Variants in EIF3H observed in about 807,000 individuals in gnomAD.
The protein encoded by EIF3H is eukaryotic translation initiation factor 3 subunit H.
A neutral mutation model predicts 44.2 loss-of-function variants in EIF3H; 26 were observed. The observed-to-expected ratio is 0.59, with a 90% CI of 0.43 to 0.82. The LOEUF (loss-of-function observed/expected upper bound fraction) is 0.82. Ranked by LOEUF, EIF3H falls within the 40% of genes least tolerant of loss-of-function variation. EIF3H has a pLI of 0.00. For missense variants in EIF3H, 359 were observed against 432.8 expected (o/e 0.83, Z 1.51); for synonymous variants, 166 against 151.9 (o/e 1.09, Z -0.68).
chr8:116,655,980 C>CAAAGGTGATATTTGCTTTTTTCA lies in EIF3H; in HGVS notation c.560_582dup (p.Glu195Ter). On this transcript the variant is annotated stop_gained and frameshift_variant, in exon 5 of 8. Transcript: ENST00000521861. LOFTEE classifies it high-confidence loss of function. ...ATCGGCACTTCTTCAAACATGTACTCAAAGGTGATATTTGCTTTTTTCAAT... is the reference window on the plus strand; with the variant it reads ...ATCGGCACTTCTTCAAACATGTACTCAAAGGTGATATTTGCTTTTTTCAAAAGGTGATATTTGCTTTTTTCAAT... 1 of 1,613,382 alleles carries CAAAGGTGATATTTGCTTTTTTCA rather than the reference C, an allele frequency of 6.2e-7. No individual in the cohort carries two copies. The highest frequency in any genetic ancestry group is 8.5e-7 in the Non-Finnish European group (1 of 1,179,648).
intron 3 of EIF3H, 76 bp downstream of exon 3, chr8:116,658,737 A>T: frequency 1.3e-6 from 2 of 1,486,524 alleles, no homozygotes; most frequent in Non-Finnish European, 1.8e-6. Flanking sequence ...GACTGCTCTT[A>T]GAGGCAAAAA....
At chr8:116,703,312 T>A (rs530086188) in intron 2 of EIF3H, among the ~76,000 whole-genome samples, 2 of 152,148 alleles carry the variant, frequency 1.3e-5, no homozygotes, top group East Asian at 3.9e-4. Context: ...CTAGTGGTAA[T>A]GCCAATGCCT....
Position 116,644,145 on chromosome 8 carries a change from T to G in EIF3H, c.*861A>C, listed in dbSNP as rs1296957695. 2 of 152,238 alleles carry G rather than the reference T, an allele frequency of 1.3e-5. No individual in the cohort carries two copies. The highest frequency in any genetic ancestry group is 2.4e-5 in the African/African-American group (1 of 41,446). 9.4% of individuals were successfully genotyped at this position (152,238 alleles called of 1,614,324 possible). On this transcript the variant is annotated 3_prime_UTR_variant, in exon 8 of 8. Coordinates refer to ENST00000521861, the MANE Select transcript of EIF3H (RefSeq NM_003756.3). ...TGGCTCATGCCTGTATTCCCAGCAC[T>G]TTGGGAGACAGAAGCAGGTGAATCA...
intron 1 of EIF3H, among the ~76,000 whole-genome samples, chr8:116,762,848 G>A (rs1165538029): frequency 6.6e-6 from 1 of 152,208 alleles, no homozygotes; most frequent in African/African-American, 2.4e-5. Flanking sequence ...GAAGGCTGAG[G>A]CAGGAGAATC....
chr8:116,665,856 T>G (rs1563636588), intron 2 of EIF3H, among the ~76,000 whole-genome samples: 1 of 152,244 alleles, frequency 6.6e-6, no homozygotes, highest in Non-Finnish European at 1.5e-5. Context: ...TACTAGCAGA[T>G]GTAGACTTAG....
At chr8:116,719,278 A>AT (rs1814706658) in intron 2 of EIF3H, among the ~76,000 whole-genome samples, 3 of 152,116 alleles carry the variant, frequency 2.0e-5, no homozygotes, top group South Asian at 4.1e-4. Flanking sequence ...CTAACTTTGC[A>AT]TTTTTTCAGA....
At chr8:116,679,146 C>T (rs1412604646) in intron 2 of EIF3H, among the ~76,000 whole-genome samples, 1 of 73,640 alleles carries the variant, frequency 1.4e-5, no homozygotes, top group African/African-American at 4.4e-5. Context: ...CCCGGCCAGC[C>T]GCCCCGTCCG....
intron 2 of EIF3H, among the ~76,000 whole-genome samples, chr8:116,666,844 T>A (rs369546878): frequency 6.6e-6 from 1 of 151,538 alleles, no homozygotes; most frequent in Non-Finnish European, 1.5e-5. Context: ...AGGTATTAGA[T>A]TAATGTTAGC....
intron 2 of EIF3H, among the ~76,000 whole-genome samples, chr8:116,704,849 C>A (rs1814440088): frequency 6.6e-6 from 1 of 151,910 alleles, no homozygotes; most frequent in South Asian, 2.1e-4. Flanking sequence ...TTTTCTTCAA[C>A]TATTTAAATA....
At chr8:116,747,611 A>G (rs1246648446) in intron 1 of EIF3H, among the ~76,000 whole-genome samples, 1 of 152,206 alleles carries the variant, frequency 6.6e-6, no homozygotes, top group African/African-American at 2.4e-5. Flanking sequence ...CAAGGGTCAT[A>G]TAATTTTTTT....
chr8:116,742,748 T>A (rs963590434), intron 1 of EIF3H, among the ~76,000 whole-genome samples: 1 of 152,208 alleles, frequency 6.6e-6, no homozygotes, highest in Non-Finnish European at 1.5e-5. Context: ...AGGAAACATG[T>A]ATAAAGCAAC....
chr8:116,681,240 G>A lies in EIF3H; in HGVS notation c.290-22260C>T, dbSNP rs190084312. Among the ~76,000 whole-genome samples, 918 of 152,220 alleles carry A rather than the reference G, an allele frequency of 6.0e-3. 5 individuals are homozygous for A. Among genetic ancestry groups the A allele is most frequent in the African/African-American group, 0.02 (844 of 41,506 alleles). On this transcript the variant is annotated intron_variant, in intron 2 of 7. Coordinates refer to ENST00000521861, the MANE Select transcript of EIF3H (RefSeq NM_003756.3). ...TAGCCAGGTGTGGTGGAGCACGCCT[G>A]TAGTCCTAGCTATTCAGGAGGCTGA...
intron 2 of EIF3H, among the ~76,000 whole-genome samples, chr8:116,707,489 CAG>C (rs1216359637): frequency 1.3e-5 from 2 of 152,164 alleles, no homozygotes; most frequent in East Asian, 3.9e-4. Flanking sequence ...GGAAGGCAAA[CAG>C]GAATTTAATT....
intron 1 of EIF3H, among the ~76,000 whole-genome samples, chr8:116,747,808 A>G (rs1815263690): frequency 6.6e-6 from 1 of 152,116 alleles, no homozygotes; most frequent in African/African-American, 2.4e-5. Context: ...ATTTGATTCA[A>G]CTCACAAAGC....
intron 1 of EIF3H, chr8:116,737,156 C>A: frequency 2.8e-6 from 1 of 362,390 alleles, no homozygotes; most frequent in Non-Finnish European, 5.3e-6. Context: ...TATCAAAAAG[C>A]ATACTTCTCA....
At chr8:116,660,567 C>T (rs1304410686) in intron 2 of EIF3H, among the ~76,000 whole-genome samples, 2 of 151,886 alleles carry the variant, frequency 1.3e-5, no homozygotes, top group South Asian at 2.1e-4. Context: ...AACAAACAAA[C>T]AAAAACAACC....
intron 1 of EIF3H, among the ~76,000 whole-genome samples, chr8:116,750,405 T>TTC (rs1815311051): frequency 9.0e-6 from 1 of 111,562 alleles, no homozygotes; most frequent in African/African-American, 3.6e-5. Context: ...TAGCATGACT[T>TTC]TTTTTTTTTT....
intron 2 of EIF3H, among the ~76,000 whole-genome samples, chr8:116,710,983 T>A (rs1814564798): frequency 6.6e-6 from 1 of 152,214 alleles, no homozygotes; most frequent in East Asian, 1.9e-4. Flanking sequence ...TTGCCATACA[T>A]AAGAAATATA....
chr8:116,755,308 C>T (rs147276208), intron 1 of EIF3H, among the ~76,000 whole-genome samples: 26 of 152,314 alleles, frequency 1.7e-4, no homozygotes, highest in African/African-American at 6.0e-4. Flanking sequence ...TTACTCTCTC[C>T]TTCCCAGAGC....
Sources: gnomAD v4.1 joint callset for allele counts (sites outside exome capture counted in the v4.1 genomes callset) on GRCh38, gnomAD v4.1.1 for gene constraint, MANE v1.5 for transcripts, NCBI Gene and HGNC (gene_info 2026-07-23, HGNC 2026-07-21) for gene names.